The following CEP135 variants were observed in gnomAD, a reference collection of about 807,000 sequenced individuals.
The protein encoded by CEP135 is centrosomal protein 135, also known as centrosomal protein of 135 kDa.
CEP135 carries 142 observed loss-of-function variants against 157.3 expected under a neutral mutation model. The observed-to-expected ratio is 0.90, with a 90% CI of 0.79 to 1.04. The LOEUF (loss-of-function observed/expected upper bound fraction) is 1.04. CEP135 is among the 50% of genes least tolerant of loss of function. CEP135 has a pLI of 0.00. For synonymous variants in CEP135, 396 were observed against 439.8 expected (o/e 0.90, Z 1.25); for missense variants, 1,317 against 1,309.2 (o/e 1.01, Z -0.09).
At chr4:55,965,462 C>G in intron 7 of CEP135, 182 bp from the exon 8 acceptor site, 1 of 501,358 alleles carries the variant, frequency 2.0e-6, no homozygotes, top group Non-Finnish European at 3.5e-6. Context: ...TGGATATGTA[C>G]TTTCATTACA....
In CEP135 at chr4:55,972,749, A is replaced by T. The variant is rs142836083; in HGVS notation, c.1249+1341A>T. On this transcript the variant is annotated intron_variant, in intron 10 of 25. Coordinates refer to ENST00000257287, the MANE Select transcript of CEP135 (RefSeq NM_025009.5). ...AGAACCATGTATAAAAGTTTAAAAC[A>T]GGCTGGGTGCGGTGGCTCACGCCTG... is the stretch of plus-strand genomic sequence containing the variant. Among the ~76,000 whole-genome samples the T allele has an allele frequency of 1.8e-4, 28 of 152,326 alleles. No individual in the cohort carries two copies. In the South Asian group the frequency reaches 2.1e-3, roughly 11 times the overall value.
At chr4:55,974,060 A>G (rs1729112110) in intron 10 of CEP135, among the ~76,000 whole-genome samples, 1 of 152,164 alleles carries the variant, frequency 6.6e-6, no homozygotes, top group Non-Finnish European at 1.5e-5. Context: ...CTACAATTAG[A>G]ATAGTTGTGC....
intron 8 of CEP135, among the ~76,000 whole-genome samples, chr4:55,968,582 C>G (rs981120115): frequency 4.6e-5 from 7 of 152,178 alleles, no homozygotes; most frequent in Non-Finnish European, 1.0e-4. Flanking sequence ...CTTGTGCACA[C>G]AGCATGCTAA....
intron 10 of CEP135, among the ~76,000 whole-genome samples, chr4:55,972,556 T>C (rs1483584439): frequency 6.6e-6 from 1 of 152,196 alleles, no homozygotes. Context: ...GTCTCTTTCC[T>C]AGGCCCATGT....
intron 14 of CEP135, among the ~76,000 whole-genome samples, chr4:55,988,508 A>C (rs760984180): frequency 1.2e-4 from 19 of 152,038 alleles, no homozygotes; most frequent in Non-Finnish European, 2.6e-4. Context: ...AAAAATACGA[A>C]AATTTGCCAG....
chr4:55,963,496 A>G (rs1728747336), intron 6 of CEP135, among the ~76,000 whole-genome samples: 1 of 152,240 alleles, frequency 6.6e-6, no homozygotes, highest in Non-Finnish European at 1.5e-5. Flanking sequence ...CTATAATCCC[A>G]GCACTTTGGG....
chr4:56,007,368 G>C (rs1455469998), intron 17 of CEP135, among the ~76,000 whole-genome samples: 4 of 152,214 alleles, frequency 2.6e-5, no homozygotes, highest in African/African-American at 9.6e-5. Context: ...TCTGGGATGG[G>C]GGAGGTCCCA....
intron 24 of CEP135, among the ~76,000 whole-genome samples, chr4:56,023,688 A>AAT (rs71666105): frequency 7.0e-5 from 10 of 143,274 alleles, no homozygotes; most frequent in Admixed American, 2.2e-4. Flanking sequence ...TATATCACAT[A>AAT]ATATATATAT....
At chr4:55,951,555 G>A (rs911261659) in intron 1 of CEP135, among the ~76,000 whole-genome samples, 15 of 152,112 alleles carry the variant, frequency 9.9e-5, no homozygotes, top group Non-Finnish European at 1.5e-4. Context: ...AATCTTTAGC[G>A]CAACTAAATT....
At chr4:56,018,780 G>A (rs1441308088) in intron 22 of CEP135, among the ~76,000 whole-genome samples, 4 of 152,068 alleles carry the variant, frequency 2.6e-5, no homozygotes, top group Admixed American at 2.6e-4. Flanking sequence ...AGTAAGACTT[G>A]AATGAAGGAT....
At chr4:55,998,630 C>G (rs565695734) in intron 15 of CEP135, among the ~76,000 whole-genome samples, 1 of 152,040 alleles carries the variant, frequency 6.6e-6, no homozygotes, top group African/African-American at 2.4e-5. Context: ...TTTGGGAGAC[C>G]GAGGCAGATG....
At chr4:56,015,042 A>C (rs78959504) in intron 21 of CEP135, among the ~76,000 whole-genome samples, 3,102 of 151,962 alleles carry the variant, frequency 0.02, 109 homozygotes, top group African/African-American at 0.071. Context: ...ACCTTGTCTC[A>C]AAAAAAAGGA....
At chr4:55,952,354 C>A (rs1728382870) in intron 2 of CEP135, 111 bp downstream of exon 2, 1 of 664,348 alleles carries the variant, frequency 1.5e-6, no homozygotes, top group African/African-American at 1.8e-5. Flanking sequence ...GAAAGGCTTT[C>A]AATCATGAAG....
intron 21 of CEP135, among the ~76,000 whole-genome samples, chr4:56,013,973 A>G (rs1012694282): frequency 3.3e-5 from 5 of 152,202 alleles, no homozygotes; most frequent in African/African-American, 9.6e-5. Flanking sequence ...CCACGTAAAG[A>G]TGGAGGCAAA....
chr4:56,028,366 C>T (rs551965259), intron 25 of CEP135, among the ~76,000 whole-genome samples: 20 of 152,282 alleles, frequency 1.3e-4, no homozygotes, highest in Admixed American at 9.2e-4. Flanking sequence ...TTCTCCACAT[C>T]GTCACCAACA....
intron 15 of CEP135, among the ~76,000 whole-genome samples, chr4:55,996,293 A>T (rs1268329214): frequency 1.3e-5 from 2 of 152,004 alleles, no homozygotes; most frequent in African/African-American, 4.8e-5. Flanking sequence ...GCTAATTTTT[A>T]AAAATGTTTG....
chr4:55,976,245 AAAAAG>A (rs1338721722), intron 11 of CEP135, among the ~76,000 whole-genome samples: 5 of 151,840 alleles, frequency 3.3e-5, no homozygotes, highest in East Asian at 1.9e-4. Flanking sequence ...CAAAAAAAAA[AAAAAG>A]AAAGAAAGAA....
chr4:55,980,362 T>C (rs1455103571), intron 12 of CEP135, 67 bp downstream of exon 12: 6 of 1,008,896 alleles, frequency 5.9e-6, no homozygotes, highest in Non-Finnish European at 8.6e-6. Flanking sequence ...GGAGCCTGTA[T>C]ATATCTTTCA....
At position 56,009,787 on chromosome 4, in the gene CEP135, C is replaced by T. The variant is rs574781520; in HGVS notation, c.2389C>T (p.Arg797Cys). The T allele has an allele frequency of 6.8e-6, 11 of 1,613,710 alleles. 1 individual carries two copies. Among genetic ancestry groups the T allele is most frequent in the South Asian group, 5.5e-5 (5 of 90,886 alleles). ...NRDREINSLR[R>C]QLDAAHKELD... ...AGATCGTGAGATAAACAGCCTCCGG[C>T]GCCAGCTTGATGCAGCTCACAAAGA... Residue 797 changes from arginine to cysteine, a missense_variant, in exon 19 of 26, where the codon CGC becomes TGC. Physicochemically the swap from Arg to Cys is radical, Grantham distance 180. Transcript: ENST00000257287.
Sources: allele counts gnomAD v4.1 joint callset (sites outside exome capture counted in the v4.1 genomes callset), GRCh38; gene constraint gnomAD v4.1.1; transcripts MANE v1.5; gene names NCBI Gene and HGNC (gene_info 2026-07-23, HGNC 2026-07-21).